The following HAS3 variants were observed in gnomAD, a reference collection of about 807,000 sequenced individuals.
HAS3 encodes the protein hyaluronan synthase 3.
In HAS3, 27 loss-of-function variants were observed where a neutral mutation model predicts 50.3. That is an observed-to-expected ratio of 0.54 (90% CI 0.40 to 0.74). The LOEUF (loss-of-function observed/expected upper bound fraction) is 0.74. Among genes scored for constraint, HAS3 ranks in the 30% least tolerant of loss-of-function variants. HAS3 has a pLI of 0.00. For missense variants in HAS3, 517 were observed against 742.8 expected, an observed-to-expected ratio of 0.70 and a Z score of 3.53; for synonymous variants, 339 against 310.9, an observed-to-expected ratio of 1.09 and a Z score of -0.95.
the HAS3 span, among the ~76,000 whole-genome samples, chr16:69,099,774 A>T: frequency 6.6e-6 from 1 of 151,568 alleles, no homozygotes; most frequent in East Asian, 1.9e-4. Flanking sequence ...TAGTAGCTGC[A>T]CAATATTCCA....
At chr16:69,104,535 A>G (rs562086691), upstream of HAS3, among the ~76,000 whole-genome samples, 3 of 152,212 alleles carry the variant, frequency 2.0e-5, no homozygotes, top group Non-Finnish European at 4.4e-5. Flanking sequence ...TGACCTCGTG[A>G]TCCGCCCACC....
chr16:69,114,283 CTGA>C lies in HAS3; in HGVS notation c.739-57_739-55del. 1 of 1,523,786 alleles carries C rather than the reference CTGA, an allele frequency of 6.6e-7. No individual in the cohort carries two copies. The highest frequency in any genetic ancestry group is 1.4e-5 in the African/African-American group (1 of 72,782). 94.4% of individuals were successfully genotyped at this position (1,523,786 alleles called of 1,614,324 possible). A position where few individuals can be genotyped will look rare whatever the true frequency, so the allele number is the denominator to read the frequency against. On this transcript the variant is annotated intron_variant, in intron 3 of 3. Transcript: ENST00000569188. This position sits in a 1 kb window ranked among gnomAD's most constrained non-coding sequence, Gnocchi z 6.4. ...CCATGGTAAGGAGGCCTCGTGGTCT[CTGA>C]TGTCTGTCCTCCGGACGTGCAACCT... is the stretch of plus-strand genomic sequence containing the variant.
chr16:69,087,063 C>T, the HAS3 span, among the ~76,000 whole-genome samples: 2 of 152,182 alleles, frequency 1.3e-5, no homozygotes, highest in African/African-American at 4.8e-5. Flanking sequence ...CTTCTGCTGC[C>T]GCCTCCACCT....
In HAS3 at chr16:69,113,527, CG is replaced by C; in HGVS notation, c.728del (p.Gly243GlufsTer16). The part of the protein sequence containing the change: ...LEEDPQVGGV[G>X]GDVQILNKYD... ...AGGAGGATCCCCAAGTAGGGGGAGT[CG>C]GGGGAGATGTCCAGGTAAGATGAGA... On this transcript the variant is annotated frameshift_variant, in exon 3 of 4. Coordinates refer to ENST00000569188, the MANE Select transcript of HAS3 (RefSeq NM_001199280.2). LOFTEE classifies it high-confidence loss of function. The C allele has an allele frequency of 6.2e-7, 1 of 1,603,234 alleles. No homozygotes were observed. The highest frequency in any genetic ancestry group is 8.5e-7 in the Non-Finnish European group (1 of 1,170,920).
chr16:69,104,134 A>G (rs1960725314), upstream of HAS3, among the ~76,000 whole-genome samples: 2 of 152,052 alleles, frequency 1.3e-5, no homozygotes, highest in African/African-American at 4.8e-5. Flanking sequence ...TCTGTTACCC[A>G]GGCTGGAGTG....
At position 69,117,576 on chromosome 16, in the gene HAS3, C is replaced by CTTTTTTT; in HGVS notation, c.*2320_*2326dup. On this transcript the variant is annotated 3_prime_UTR_variant, in exon 4 of 4. Transcript: ENST00000569188. ...TTGTAAACATATTTATTTTTACCTG[C>CTTTTTTT]TTTTTTTTTTTTTTTTAATTTTCAG... 24 of 697,940 alleles carry CTTTTTTT rather than the reference C, an allele frequency of 3.4e-5. No individual in the cohort carries two copies. The highest frequency in any genetic ancestry group is 4.2e-5 in the Non-Finnish European group (24 of 574,820). The allele number at this position is 697,940 out of a possible 1,614,324, so 43.2% of individuals were successfully genotyped here.
chr16:69,103,725 T>A (rs1215970623), upstream of HAS3, among the ~76,000 whole-genome samples: 1 of 152,114 alleles, frequency 6.6e-6, no homozygotes, highest in Middle Eastern at 3.2e-3. Flanking sequence ...CAAACACTGA[T>A]CCTTGAACTT....
chr16:69,090,637 G>T, the HAS3 span, among the ~76,000 whole-genome samples: 1 of 152,012 alleles, frequency 6.6e-6, no homozygotes, highest in Non-Finnish European at 1.5e-5. Context: ...GTGCAATCTC[G>T]GTTCACAGCA....
chr16:69,094,339 C>G, the HAS3 span, among the ~76,000 whole-genome samples: 2 of 151,906 alleles, frequency 1.3e-5, no homozygotes, highest in Non-Finnish European at 2.9e-5. Flanking sequence ...GCCACCCCCA[C>G]CACACACACA....
chr16:69,115,056 G>A lies in HAS3; in HGVS notation c.1452G>A (p.Val484=), dbSNP rs1961135631. Residue 484 remains valine, a synonymous_variant, in exon 4 of 4, where the codon GTG becomes GTA. Coordinates refer to ENST00000569188, the MANE Select transcript of HAS3 (RefSeq NM_001199280.2). The stretch of plus-strand genomic sequence containing the variant: ...TGAACTTCATTGGCCTCATTCCTGT[G>A]TCCATCTGGGTGGCAGTTCTCCTGG... ...IVVNFIGLIP[V]SIWVAVLLGG... 6.2e-7 allele frequency: 1 copy of A among 1,613,902 alleles called. No individual in the cohort carries two copies. Among genetic ancestry groups the A allele is most frequent in the Non-Finnish European group, 8.5e-7 (1 of 1,179,970 alleles).
intron 2 of HAS3, among the ~76,000 whole-genome samples, chr16:69,111,725 C>T (rs1293128322): frequency 6.6e-6 from 1 of 152,208 alleles, no homozygotes; most frequent in African/African-American, 2.4e-5. Flanking sequence ...GCTGTTTTGA[C>T]TGCAGTTCAC....
At position 69,113,422 on chromosome 16, in the gene HAS3, CG is replaced by C; in HGVS notation, c.637-18del. 6.4e-7 allele frequency: 1 copy of C among 1,569,760 alleles called. No individual in the cohort carries two copies. Among genetic ancestry groups the C allele is most frequent in the Non-Finnish European group, 8.8e-7 (1 of 1,139,906 alleles). ...CAGGTCTGAGGTCAGAATGGGCTGA[CG>C]ACGCACTCCCTCTGCAGGTGTGCGA... On this transcript the variant is annotated intron_variant, in intron 2 of 3. Coordinates refer to ENST00000569188, the MANE Select transcript of HAS3 (RefSeq NM_001199280.2).
chr16:69,088,237 G>T, the HAS3 span, among the ~76,000 whole-genome samples: 1 of 152,108 alleles, frequency 6.6e-6, no homozygotes, highest in Non-Finnish European at 1.5e-5. Context: ...TGAGGCAGTG[G>T]AGGGAGACAG....
At chr16:69,118,187 T>C, downstream of HAS3, 3 of 602,144 alleles carry the variant, frequency 5.0e-6, no homozygotes, top group Non-Finnish European at 8.9e-6. Context: ...GTTCTTTGAT[T>C]GATTGGGAGT....
At chr16:69,117,939 G>C (rs1961272396), downstream of HAS3, 1 of 213,176 alleles carries the variant, frequency 4.7e-6, no homozygotes, top group Non-Finnish European at 9.6e-6. Flanking sequence ...CTGTAGCCAA[G>C]CTGAAACAAT....
chr16:69,113,336 T>G, intron 2 of HAS3, 105 bp from the exon 3 acceptor site: 3 of 782,128 alleles, frequency 3.8e-6, no homozygotes, highest in Non-Finnish European at 6.9e-6. Flanking sequence ...GAGTCATGTG[T>G]GAAGGGGTCA....
At chr16:69,113,915 G>A (rs118051732) in intron 3 of HAS3, among the ~76,000 whole-genome samples, 5,137 of 152,184 alleles carry the variant, frequency 0.034, 114 homozygotes, top group Non-Finnish European at 0.042. Flanking sequence ...TGGTCAATAC[G>A]GTAAGAATAA....
At chr16:69,118,458 A>G, downstream of HAS3, 1 of 1,592,112 alleles carries the variant, frequency 6.3e-7, no homozygotes, top group Non-Finnish European at 8.6e-7. Flanking sequence ...TCTAGAGAGC[A>G]GTGAGCTGAT....
In HAS3 at chr16:69,111,836, C is replaced by T. The variant is rs971027362; in HGVS notation, c.637-1605C>T. Among the ~76,000 whole-genome samples, 71 of 152,194 alleles carry T rather than the reference C, an allele frequency of 4.7e-4. 1 individual carries two copies. Among genetic ancestry groups the T allele is most frequent in the African/African-American group, 1.6e-3 (66 of 41,442 alleles). On this transcript the variant is annotated intron_variant, in intron 2 of 3. Transcript: ENST00000569188. The stretch of plus-strand genomic sequence containing the variant: ...GCTCAAGCCACAGTGACTTTGTCAT[C>T]TATTCCCTTCAAGCACAGGATCTCA...
Sources: allele counts gnomAD v4.1 joint callset (sites outside exome capture counted in the v4.1 genomes callset), GRCh38; gene constraint gnomAD v4.1.1; non-coding constraint Gnocchi (gnomAD v3.1); transcripts MANE v1.5; gene names NCBI Gene and HGNC (gene_info 2026-07-23, HGNC 2026-07-21).